The following CPED1 variants were observed in gnomAD, a reference collection of about 807,000 sequenced individuals.
The protein encoded by CPED1 is cadherin like and PC-esterase domain containing 1, also known as cadherin-like and PC-esterase domain-containing protein 1.
A neutral mutation model predicts 128.2 loss-of-function variants in CPED1; 114 were observed. That is an observed-to-expected ratio of 0.89 (90% CI 0.76 to 1.04). The LOEUF (loss-of-function observed/expected upper bound fraction) is 1.04. CPED1 is among the 50% of genes least tolerant of loss of function. The probability of loss-of-function intolerance (pLI) is 0.00; values close to 1 mark genes in which losing one functional copy is unlikely to be tolerated. For synonymous variants in CPED1, 462 were observed against 426.7 expected (o/e 1.08, Z -1.02); for missense variants, 1,211 against 1,207.1 (o/e 1.00, Z -0.05).
intron 22 of CPED1, among the ~76,000 whole-genome samples, chr7:121,279,434 AC>A (rs1792402788): frequency 6.6e-6 from 1 of 151,090 alleles, no homozygotes; most frequent in Admixed American, 6.6e-5. Context: ...ACATAAAGCT[AC>A]TCACTCACTC....
At chr7:121,089,910 A>G (rs1180870296) in intron 5 of CPED1, among the ~76,000 whole-genome samples, 3 of 152,236 alleles carry the variant, frequency 2.0e-5, no homozygotes, top group Admixed American at 6.5e-5. Flanking sequence ...GCAGAAAACC[A>G]TCAAAGGAAA....
chr7:121,165,142 C>A (rs996792657), intron 16 of CPED1, among the ~76,000 whole-genome samples: 1 of 151,832 alleles, frequency 6.6e-6, no homozygotes. Flanking sequence ...TAATTTAAAT[C>A]TATAAAAACA....
At chr7:120,990,490 A>G (rs888213057) in intron 2 of CPED1, among the ~76,000 whole-genome samples, 2 of 152,300 alleles carry the variant, frequency 1.3e-5, no homozygotes, top group African/African-American at 4.8e-5. Flanking sequence ...TATTCAGATA[A>G]ACTTACTAAT....
At chr7:121,259,518 TG>T (rs1374476670) in intron 18 of CPED1, among the ~76,000 whole-genome samples, 1 of 152,040 alleles carries the variant, frequency 6.6e-6, no homozygotes, top group African/African-American at 2.4e-5. Flanking sequence ...GAAAATCAAT[TG>T]AAAAAAAGCA....
intron 16 of CPED1, among the ~76,000 whole-genome samples, chr7:121,150,251 T>G (rs1048718319): frequency 5.9e-5 from 9 of 151,292 alleles, no homozygotes; most frequent in African/African-American, 2.2e-4. Context: ...CATCTTCATG[T>G]CCATGTATGC....
chr7:121,241,062 G>GAATTGGATGGAAAAATAA (rs1390295043), intron 17 of CPED1, among the ~76,000 whole-genome samples: 11 of 127,052 alleles, frequency 8.7e-5, no homozygotes, highest in Admixed American at 2.2e-4. Context: ...TTATAAAACA[G>GAATTGGATGGAAAAATAA]GCCGGGCGCG....
chr7:121,076,453 A>C (rs555530017), intron 5 of CPED1: 4 of 152,362 alleles, frequency 2.6e-5, no homozygotes, highest in Admixed American at 6.5e-5. Flanking sequence ...TGTTACTGCT[A>C]TCTAAAAGGA....
chr7:121,141,761 T>C (rs759126009), intron 15 of CPED1, among the ~76,000 whole-genome samples: 7 of 152,086 alleles, frequency 4.6e-5, no homozygotes, highest in Admixed American at 6.6e-5. Context: ...GTGGAAGATA[T>C]AACTTGCCCT....
At chr7:121,141,274 G>A (rs1795895489) in intron 15 of CPED1, among the ~76,000 whole-genome samples, 1 of 151,938 alleles carries the variant, frequency 6.6e-6, no homozygotes, top group Non-Finnish European at 1.5e-5. Context: ...ACTTATTGTT[G>A]TCTTCATGTT....
At chr7:120,999,678 A>C (rs1016357099) in intron 2 of CPED1, among the ~76,000 whole-genome samples, 17 of 152,188 alleles carry the variant, frequency 1.1e-4, no homozygotes, top group African/African-American at 4.1e-4. Flanking sequence ...ACACACTAAC[A>C]GGTACGCAAC....
In CPED1 at chr7:121,165,965, A is replaced by G. The variant is rs183482217; in HGVS notation, c.2055+23824A>G. 5.3e-5 allele frequency among the ~76,000 whole-genome samples: 8 copies of G among 152,324 alleles called. No homozygotes were observed. The East Asian group carries it at 1.5e-3, about 29-fold the overall frequency. ...ACTCTGTACTATTGAGGGTCATCCA[A>G]GTTTTAGAAACATTGTAATGTATGT... On this transcript the variant is annotated intron_variant, in intron 16 of 22. Coordinates refer to ENST00000310396, the MANE Select transcript of CPED1 (RefSeq NM_024913.5).
At chr7:121,206,613 A>G (rs1422603978) in intron 16 of CPED1, among the ~76,000 whole-genome samples, 2 of 151,960 alleles carry the variant, frequency 1.3e-5, no homozygotes, top group African/African-American at 2.4e-5. Context: ...TTTATTTATT[A>G]TAAATATTTA....
chr7:121,191,899 C>T (rs1415101671), intron 16 of CPED1, among the ~76,000 whole-genome samples: 1 of 152,018 alleles, frequency 6.6e-6, no homozygotes, highest in East Asian at 1.9e-4. Context: ...TCATTTTAAT[C>T]AAAGTGTTGT....
At chr7:121,064,358 C>A in intron 5 of CPED1, 45 bp downstream of exon 5, 8 of 1,344,470 alleles carry the variant, frequency 6.0e-6, no homozygotes, top group Non-Finnish European at 8.5e-6. Context: ...GTGAGATATG[C>A]AGGCTCCCTT....
At chr7:121,045,327 G>A (rs1184744556) in intron 3 of CPED1, among the ~76,000 whole-genome samples, 1 of 152,134 alleles carries the variant, frequency 6.6e-6, no homozygotes, top group Non-Finnish European at 1.5e-5. Flanking sequence ...GAAGTTCTAG[G>A]ATAAGAGCTT....
At chr7:121,016,046 T>C (rs1792293711) in intron 3 of CPED1, among the ~76,000 whole-genome samples, 198 bp downstream of exon 3, 1 of 152,264 alleles carries the variant, frequency 6.6e-6, no homozygotes, top group Admixed American at 6.5e-5. Context: ...TCTTTATTCC[T>C]GAAATTATTT....
At chr7:121,267,146 A>G in intron 20 of CPED1, 69 bp from the exon 21 acceptor site, 1 of 853,534 alleles carries the variant, frequency 1.2e-6, no homozygotes, top group Non-Finnish European at 1.9e-6. Context: ...GTATTTGTTT[A>G]TATAAACAAC....
intron 5 of CPED1, among the ~76,000 whole-genome samples, chr7:121,088,565 A>G (rs1794492364): frequency 6.6e-6 from 1 of 151,566 alleles, no homozygotes; most frequent in Non-Finnish European, 1.5e-5. Flanking sequence ...AGGCTGAGGC[A>G]GGAGAATCGC....
rs1280101138 is a variant in CPED1 at position 121,124,321 on chromosome 7, T to C, written c.919-10T>C. ...TGTTTTAACACGTGAATCCTTTACT[T>C]TGTTCACAGCTGCAAACATTTTTTG... On this transcript the variant is annotated splice_polypyrimidine_tract_variant and intron_variant, in intron 7 of 22. Transcript: ENST00000310396. The C allele has an allele frequency of 6.3e-7, 1 of 1,597,710 alleles. No homozygotes were observed. Among genetic ancestry groups the C allele is most frequent in the Admixed American group, 1.8e-5 (1 of 56,522 alleles).
Sources: allele counts gnomAD v4.1 joint callset (sites outside exome capture counted in the v4.1 genomes callset), GRCh38; gene constraint gnomAD v4.1.1; transcripts MANE v1.5; gene names NCBI Gene and HGNC (gene_info 2026-07-23, HGNC 2026-07-21).